Variants in FAM98B observed in about 807,000 individuals in gnomAD.
FAM98B encodes the protein tRNA splicing ligase complex subunit 3B.
Under a neutral mutation model 43.9 loss-of-function variants are expected in FAM98B, and 32 were observed. The observed-to-expected ratio is 0.73, with a 90% CI of 0.55 to 0.98. The LOEUF (loss-of-function observed/expected upper bound fraction) is 0.98, where lower values mean the gene tolerates loss of function less well. Ranked by LOEUF, FAM98B falls within the 50% of genes least tolerant of loss-of-function variation. FAM98B has a pLI of 0.00. For synonymous variants in FAM98B, 190 were observed against 174.0 expected, an observed-to-expected ratio of 1.09 and a Z score of -0.72; for missense variants, 514 against 522.9, an observed-to-expected ratio of 0.98 and a Z score of 0.17.
Position 38,468,816 on chromosome 15 carries a change from C to T in FAM98B, c.353-1411C>T, listed in dbSNP as rs115724327. ...GCACCTGTACTTTTAAATTGTTTTT[C>T]AGATGTATTTTTGCTCAGCTGAAGT... On this transcript the variant is annotated intron_variant, in intron 3 of 7. Transcript: ENST00000397609. Among the ~76,000 whole-genome samples, 213 of 152,268 alleles carry T rather than the reference C, an allele frequency of 1.4e-3. 1 individual carries two copies. The highest frequency in any genetic ancestry group is 4.9e-3 in the African/African-American group (202 of 41,566).
At position 38,484,573 on chromosome 15, in the gene FAM98B, G is replaced by A; in HGVS notation, c.1216G>A (p.Gly406Ser). ...GGGTTATGGTGGAAGAGGGGGCTAT[G>A]GTGGAAGAGGCTATGGAGATCCATA... Reference protein sequence around the residue: ...RGGYGGRGGYGGRGYGDPYGG... With the variant: ...RGGYGGRGGYSGRGYGDPYGG... Residue 406 changes from glycine to serine, a missense_variant, in exon 8 of 8, where the codon GGT (glycine) becomes AGT (serine). Coordinates refer to ENST00000397609, the MANE Select transcript of FAM98B (RefSeq NM_173611.4). 1 of 1,498,212 alleles carries A rather than the reference G, an allele frequency of 6.7e-7. No homozygotes were observed. Among genetic ancestry groups the A allele is most frequent in the Non-Finnish European group, 8.8e-7 (1 of 1,131,412 alleles). 92.8% of individuals were successfully genotyped at this position (1,498,212 alleles called of 1,614,324 possible).
chr15:38,481,647 T>A, intron 7 of FAM98B, 188 bp downstream of exon 7: 11 of 1,481,480 alleles, frequency 7.4e-6, no homozygotes, highest in Non-Finnish European at 9.0e-6. Flanking sequence ...ATTTGTGTAT[T>A]CATAAATCAA....
At chr15:38,463,992 T>A (rs1889990075) in intron 1 of FAM98B, 40 bp from the exon 2 acceptor site, 2 of 1,546,690 alleles carry the variant, frequency 1.3e-6, no homozygotes, top group Non-Finnish European at 8.7e-7. Flanking sequence ...TTTGTTTGAT[T>A]GGCTTATTTA....
chr15:38,463,263 G>A (rs1421570695), intron 1 of FAM98B, among the ~76,000 whole-genome samples: 1 of 152,098 alleles, frequency 6.6e-6, no homozygotes, highest in Non-Finnish European at 1.5e-5. Flanking sequence ...TTGGGAGGCC[G>A]AGGTGGGTGG....
At chr15:38,471,192 G>A (rs762542895) in intron 4 of FAM98B, among the ~76,000 whole-genome samples, 137 of 152,096 alleles carry the variant, frequency 9.0e-4, no homozygotes, top group Non-Finnish European at 1.3e-3. Flanking sequence ...TCCTTGTTCA[G>A]TAAAGATCTC....
intron 7 of FAM98B, 115 bp from the exon 8 acceptor site, chr15:38,484,140 G>T (rs1206354403): frequency 2.3e-6 from 2 of 864,616 alleles, no homozygotes; most frequent in Admixed American, 2.6e-5. Flanking sequence ...GCCATGTCTG[G>T]TACTTTCATG....
chr15:38,455,462 C>T (rs554191923), intron 1 of FAM98B, among the ~76,000 whole-genome samples: 29 of 152,258 alleles, frequency 1.9e-4, no homozygotes, highest in Non-Finnish European at 3.4e-4. Flanking sequence ...TTAGTTGAAC[C>T]CTGATAATAC....
chr15:38,481,264 CCTT>C, intron 6 of FAM98B, 25 bp from the exon 7 acceptor site: 1 of 1,568,314 alleles, frequency 6.4e-7, no homozygotes, highest in Non-Finnish European at 8.8e-7. Context: ...TACTTTTGTT[CCTT>C]TTTTCCTTAA....
intron 7 of FAM98B, chr15:38,482,473 A>G (rs1890300046): frequency 6.6e-6 from 1 of 152,228 alleles, no homozygotes; most frequent in Non-Finnish European, 1.5e-5. Flanking sequence ...TATGCCCACC[A>G]ACATACCATG....
chr15:38,477,664 T>C (rs1023373751), intron 6 of FAM98B, among the ~76,000 whole-genome samples: 4 of 152,228 alleles, frequency 2.6e-5, no homozygotes, highest in African/African-American at 9.6e-5. Context: ...ACTATGTACC[T>C]GGTTCAGGAT....
At chr15:38,470,145 G>C (rs1250429081) in intron 3 of FAM98B, 82 bp from the exon 4 acceptor site, 1 of 1,180,208 alleles carries the variant, frequency 8.5e-7, no homozygotes, top group Non-Finnish European at 1.1e-6. Flanking sequence ...ATTGATACTT[G>C]TTTTAAGTGA....
intron 6 of FAM98B, among the ~76,000 whole-genome samples, chr15:38,475,776 G>A (rs1307744437): frequency 6.6e-6 from 1 of 152,176 alleles, no homozygotes; most frequent in African/African-American, 2.4e-5. Context: ...ATAGGATGTG[G>A]ACCTCTTTGG....
chr15:38,469,870 G>A (rs1595800271), intron 3 of FAM98B, among the ~76,000 whole-genome samples: 1 of 151,988 alleles, frequency 6.6e-6, no homozygotes, highest in Non-Finnish European at 1.5e-5. Context: ...TTTTCTGGGG[G>A]CCTGTATCTT....
chr15:38,455,122 C>G (rs1034969969), intron 1 of FAM98B, among the ~76,000 whole-genome samples: 8 of 152,164 alleles, frequency 5.3e-5, no homozygotes, highest in Non-Finnish European at 1.0e-4. Context: ...AAAACTGATG[C>G]TTTGCATATT....
chr15:38,465,351 A>G lies in FAM98B; in HGVS notation c.300A>G (p.Ser100=). ...EMACPYSVLI[S]GDIKDRLKKK... ...CATGTCCATATTCTGTACTCATATC[A>G]GGAGATATTAAAGATCGTTTAAAAA... Residue 100 remains serine (S), a synonymous_variant, in exon 3 of 8, where the codon TCA becomes TCG. Coordinates refer to ENST00000397609, the MANE Select transcript of FAM98B (RefSeq NM_173611.4). 6.2e-7 allele frequency: 1 copy of G among 1,609,292 alleles called. No homozygotes were observed.
chr15:38,484,387 G>C lies in FAM98B; in HGVS notation c.1030G>C (p.Gly344Arg). Reference protein sequence around the residue: ...GRGGWGGGGGGGGRGGGGGGG... With the variant: ...GRGGWGGGGGRGGRGGGGGGG... ...GGGTGGTTGGGGTGGTGGTGGTGGAGGTGGTGGTAGAGGAGGTGGTGGGGG... is the reference window on the plus strand; with the variant it reads ...GGGTGGTTGGGGTGGTGGTGGTGGACGTGGTGGTAGAGGAGGTGGTGGGGG... The change falls in exon 8 of 8, where the codon GGT becomes CGT. Residue 344 changes from glycine (G) to arginine (R), a missense_variant. Coordinates refer to ENST00000397609, the MANE Select transcript of FAM98B (RefSeq NM_173611.4). The C allele has an allele frequency of 2.1e-6, 3 of 1,457,064 alleles. No individual in the cohort carries two copies. Among genetic ancestry groups the C allele is most frequent in the Non-Finnish European group, 2.7e-6 (3 of 1,107,394 alleles). 90.3% of individuals were successfully genotyped at this position (1,457,064 alleles called of 1,614,324 possible). A position where few individuals can be genotyped will look rare whatever the true frequency, so the allele number is the denominator to read the frequency against.
intron 6 of FAM98B, among the ~76,000 whole-genome samples, chr15:38,476,581 A>C (rs966358455): frequency 1.3e-5 from 2 of 150,700 alleles, no homozygotes; most frequent in Non-Finnish European, 3.0e-5. Context: ...ACTATTTTAT[A>C]CTTGGTGTTG....
At position 38,474,244 on chromosome 15, in the gene FAM98B, A is replaced by G. The variant is rs1196782578; in HGVS notation, c.675A>G (p.Leu225=). 1.2e-6 allele frequency: 2 copies of G among 1,613,902 alleles called. No homozygotes were observed. Among genetic ancestry groups the G allele is most frequent in the Non-Finnish European group, 1.7e-6 (2 of 1,179,828 alleles). ...AATATGAGTGCCGCCGACGAATGTT[A>G]ATGAAACGATTAGATGTGACTGTAC... The part of the protein sequence containing the change: ...SCEYECRRRM[L]MKRLDVTVQS... The change falls in exon 6 of 8, where the codon TTA becomes TTG. Residue 225 remains leucine (L), a synonymous_variant. Coordinates refer to ENST00000397609, the MANE Select transcript of FAM98B (RefSeq NM_173611.4).
Position 38,484,772 on chromosome 15 carries a change from T to C in FAM98B, c.*113T>C, listed in dbSNP as rs1468075167. The C allele has an allele frequency of 9.8e-6, 14 of 1,422,188 alleles. No individual in the cohort carries two copies. The highest frequency in any genetic ancestry group is 1.2e-5 in the Non-Finnish European group (13 of 1,091,130). 88.1% of individuals were successfully genotyped at this position (1,422,188 alleles called of 1,614,324 possible). On this transcript the variant is annotated 3_prime_UTR_variant, in exon 8 of 8. Transcript: ENST00000397609. The stretch of plus-strand genomic sequence containing the variant: ...GAAGTAAACACCATGTTAGACTCCC[T>C]GGTGATACCACTCTTGAATTGGTTA...
Sources: gnomAD v4.1 joint callset for allele counts (sites outside exome capture counted in the v4.1 genomes callset) on GRCh38, gnomAD v4.1.1 for gene constraint, MANE v1.5 for transcripts, NCBI Gene and HGNC (gene_info 2026-07-23, HGNC 2026-07-21) for gene names.